Variants in ARHGAP24 observed in about 807,000 individuals in gnomAD.
ARHGAP24 encodes Rho GTPase activating protein 24, also known as rho GTPase-activating protein 24.
A neutral mutation model predicts 76.4 loss-of-function variants in ARHGAP24; 50 were observed. That is an observed-to-expected ratio of 0.65 (90% confidence interval 0.52 to 0.83). The LOEUF is 0.83. ARHGAP24 is among the 40% of genes least tolerant of loss of function. ARHGAP24 has a pLI of 0.00. For missense variants in ARHGAP24, 930 were observed against 914.2 expected, an observed-to-expected ratio of 1.02 and a Z score of -0.22; for synonymous variants, 345 against 323.3, an observed-to-expected ratio of 1.07 and a Z score of -0.72.
At chr4:85,596,500 G>T (rs1287841643) in intron 2 of ARHGAP24, among the ~76,000 whole-genome samples, 2 of 152,108 alleles carry the variant, frequency 1.3e-5, no homozygotes, top group Non-Finnish European at 2.9e-5. Flanking sequence ...AGAGAAAAGA[G>T]ATGGAGCCTT....
chr4:85,837,898 G>A (rs1730376756), intron 3 of ARHGAP24, among the ~76,000 whole-genome samples: 1 of 152,100 alleles, frequency 6.6e-6, no homozygotes, highest in Admixed American at 6.6e-5. Context: ...TCCTCGATCG[G>A]TATTGTATTT....
At chr4:85,925,734 A>G (rs1046149673) in intron 4 of ARHGAP24, among the ~76,000 whole-genome samples, 1 of 152,158 alleles carries the variant, frequency 6.6e-6, no homozygotes, top group Admixed American at 6.5e-5. Context: ...AATATCTGAG[A>G]TTTCCGGTGT....
At chr4:85,851,347 C>T (rs1380320951) in intron 3 of ARHGAP24, among the ~76,000 whole-genome samples, 1 of 152,174 alleles carries the variant, frequency 6.6e-6, no homozygotes, top group Admixed American at 6.5e-5. Context: ...TGTGTGTCTG[C>T]ACATGAGATG....
chr4:85,889,811 C>A (rs1733783567), intron 3 of ARHGAP24, among the ~76,000 whole-genome samples: 1 of 152,136 alleles, frequency 6.6e-6, no homozygotes, highest in Non-Finnish European at 1.5e-5. Context: ...GTAGCAAGAG[C>A]AATCACAGCA....
intron 2 of ARHGAP24, among the ~76,000 whole-genome samples, chr4:85,639,098 T>A (rs1367310571): frequency 6.6e-6 from 1 of 152,150 alleles, no homozygotes; most frequent in Non-Finnish European, 1.5e-5. Flanking sequence ...ATTTCTATTC[T>A]TGTTTCTTAT....
At chr4:85,818,414 A>G (rs574103005) in intron 3 of ARHGAP24, among the ~76,000 whole-genome samples, 3 of 152,248 alleles carry the variant, frequency 2.0e-5, no homozygotes, top group Non-Finnish European at 4.4e-5. Context: ...AAAAATAATT[A>G]TACCCACTAA....
intron 2 of ARHGAP24, among the ~76,000 whole-genome samples, chr4:85,590,161 TCTGCCTGC>T (rs1297948051): frequency 3.5e-5 from 5 of 143,438 alleles, no homozygotes; most frequent in African/African-American, 1.1e-4. Context: ...TAACTTTCTT[TCTGCCTGC>T]CTGCCTGCCT....
At chr4:85,485,142 G>A (rs1370073255) in intron 1 of ARHGAP24, among the ~76,000 whole-genome samples, 18 of 150,412 alleles carry the variant, frequency 1.2e-4, no homozygotes, top group African/African-American at 4.4e-4. Flanking sequence ...TCAGGGGATC[G>A]AGACCATCCT....
intron 1 of ARHGAP24, among the ~76,000 whole-genome samples, chr4:85,553,332 T>A (rs1726221685): frequency 1.3e-5 from 2 of 152,158 alleles, no homozygotes; most frequent in Non-Finnish European, 2.9e-5. Context: ...CCTGCTTTTA[T>A]TCCCTTATTT....
At chr4:85,808,083 C>A (rs1419399835) in intron 3 of ARHGAP24, among the ~76,000 whole-genome samples, 2 of 152,074 alleles carry the variant, frequency 1.3e-5, no homozygotes, top group Admixed American at 1.3e-4. Context: ...TTGTCGGTTG[C>A]TTCTTGTAAT....
At chr4:85,877,240 A>G (rs1422214401) in intron 3 of ARHGAP24, among the ~76,000 whole-genome samples, 1 of 152,082 alleles carries the variant, frequency 6.6e-6, no homozygotes, top group Non-Finnish European at 1.5e-5. Flanking sequence ...TGTATATTTT[A>G]TTCAATGCAG....
chr4:85,654,577 A>T (rs1487157256), intron 2 of ARHGAP24, among the ~76,000 whole-genome samples: 1 of 152,184 alleles, frequency 6.6e-6, no homozygotes, highest in Non-Finnish European at 1.5e-5. Context: ...CTCATGCTGC[A>T]TACCATTACC....
chr4:85,812,486 C>A (rs774371028), intron 3 of ARHGAP24, among the ~76,000 whole-genome samples: 1 of 151,988 alleles, frequency 6.6e-6, no homozygotes, highest in Admixed American at 6.5e-5. Context: ...TAAAATCTAA[C>A]CCAACATTTG....
At position 85,995,346 on chromosome 4, in the gene ARHGAP24, C is replaced by T. The variant is rs1482700543; in HGVS notation, c.1692C>T (p.Leu564=). The change falls in exon 9 of 10, where the codon CTC becomes CTT. Residue 564 remains leucine, a synonymous_variant. Transcript: ENST00000395184. ...CCACTTCCTCCTGTGAAATCTCCCT[C>T]CCTGAGAACTCCAACTCCTGTCGCT... ...TWSTSSCEIS[L]PENSNSCRSS... 4 of 1,614,086 alleles carry T rather than the reference C, an allele frequency of 2.5e-6. No individual in the cohort carries two copies. The highest frequency in any genetic ancestry group is 3.4e-6 in the Non-Finnish European group (4 of 1,180,016).
intron 2 of ARHGAP24, among the ~76,000 whole-genome samples, chr4:85,700,466 G>A (rs146211957): frequency 1.7e-4 from 26 of 151,402 alleles, no homozygotes; most frequent in African/African-American, 5.6e-4. Context: ...TGCAGCTGAC[G>A]TGGTGCAAAA....
intron 4 of ARHGAP24, among the ~76,000 whole-genome samples, chr4:85,940,036 T>A (rs1426939827): frequency 6.6e-6 from 1 of 152,146 alleles, no homozygotes; most frequent in African/African-American, 2.4e-5. Context: ...TAGAGGCAAA[T>A]AAGCATCACG....
At chr4:85,692,325 A>G (rs758013450) in intron 2 of ARHGAP24, among the ~76,000 whole-genome samples, 4 of 152,148 alleles carry the variant, frequency 2.6e-5, no homozygotes, top group Non-Finnish European at 2.9e-5. Flanking sequence ...GTCATCTTAT[A>G]TAGTATCTAG....
chr4:85,995,712 G>A (rs1406753941), intron 9 of ARHGAP24, 55 bp downstream of exon 9: 2 of 1,530,596 alleles, frequency 1.3e-6, no homozygotes, highest in African/African-American at 1.4e-5. Flanking sequence ...GCCTCCTACT[G>A]TGGGACAGGA....
At chr4:85,860,939 A>C (rs892318368) in intron 3 of ARHGAP24, among the ~76,000 whole-genome samples, 1 of 151,810 alleles carries the variant, frequency 6.6e-6, no homozygotes, top group East Asian at 1.9e-4. Context: ...TTTAATATCT[A>C]TCTTCTCCCT....
Sources: gnomAD v4.1 joint callset for allele counts (sites outside exome capture counted in the v4.1 genomes callset) on GRCh38, gnomAD v4.1.1 for gene constraint, MANE v1.5 for transcripts, NCBI Gene and HGNC (gene_info 2026-07-23, HGNC 2026-07-21) for gene names.